The following WDR27 variants were observed in gnomAD, a reference collection of about 807,000 sequenced individuals.
The protein encoded by WDR27 is WD repeat-containing protein 27.
A neutral mutation model predicts 114.4 loss-of-function variants in WDR27; 100 were observed. That is an observed-to-expected ratio of 0.87 (90% confidence interval 0.74 to 1.03). The LOEUF is 1.03. WDR27 is among the 50% of genes least tolerant of loss of function. The pLI is 0.00. For missense variants in WDR27, 1,129 were observed against 1,092.9 expected, an observed-to-expected ratio of 1.03 and a Z score of -0.47; for synonymous variants, 449 against 423.1, an observed-to-expected ratio of 1.06 and a Z score of -0.75.
the WDR27 span, among the ~76,000 whole-genome samples, chr6:169,436,300 T>C: frequency 6.6e-6 from 1 of 152,192 alleles, no homozygotes; most frequent in South Asian, 2.1e-4. Context: ...TTCCTGAGTT[T>C]ATTGGTCAGA....
intron 25 of WDR27, among the ~76,000 whole-genome samples, chr6:169,505,140 G>A (rs1409915327): frequency 6.6e-6 from 1 of 152,104 alleles, no homozygotes; most frequent in South Asian, 2.1e-4. Context: ...TTTTCCTTTG[G>A]AGATGAATGT....
In WDR27 at chr6:169,658,313, C is replaced by G; in HGVS notation, c.1365G>C (p.Lys455Asn). 1 of 1,602,006 alleles carries G rather than the reference C, an allele frequency of 6.2e-7. No individual in the cohort carries two copies. The highest frequency in any genetic ancestry group is 2.2e-5 in the East Asian group (1 of 44,586). Residue 455 changes from lysine to asparagine, a missense_variant, in exon 13 of 26, where the codon AAG becomes AAC. By Grantham distance (94) the Lys-to-Asn change is moderately conservative (BLOSUM62 0). Transcript: ENST00000448612. Reference sequence around the variant, plus strand: ...CACTAGCAGCCTTGGTACTCTTCTCCTTGGCAATTCCCAGATACAGTGGAG... The same window carrying G: ...CACTAGCAGCCTTGGTACTCTTCTCGTTGGCAATTCCCAGATACAGTGGAG... ...PTSPLYLGIA[K>N]EKSTKAASEQ...
At chr6:169,591,217 G>T (rs192973518) in intron 23 of WDR27, among the ~76,000 whole-genome samples, 1 of 152,132 alleles carries the variant, frequency 6.6e-6, no homozygotes, top group Non-Finnish European at 1.5e-5. Context: ...GATGATTGGT[G>T]ATGTGAGCCC....
At chr6:169,499,944 CG>C (rs1471898791) in intron 25 of WDR27, among the ~76,000 whole-genome samples, 1 of 152,154 alleles carries the variant, frequency 6.6e-6, no homozygotes, top group African/African-American at 2.4e-5. Flanking sequence ...GAAGTCTGTC[CG>C]GGGGACCTGA....
intron 25 of WDR27, among the ~76,000 whole-genome samples, chr6:169,462,383 G>C (rs1241007403): frequency 6.6e-6 from 1 of 151,932 alleles, no homozygotes; most frequent in African/African-American, 2.4e-5. Flanking sequence ...GCTGCAGTAA[G>C]CTGAGATTGT....
chr6:169,552,758 T>C (rs1451100495), intron 25 of WDR27, among the ~76,000 whole-genome samples: 1 of 152,240 alleles, frequency 6.6e-6, no homozygotes, highest in African/African-American at 2.4e-5. Flanking sequence ...TATTACCATA[T>C]ATGTAAAAAT....
chr6:169,552,529 A>C (rs1562570627), intron 25 of WDR27, among the ~76,000 whole-genome samples: 1 of 152,198 alleles, frequency 6.6e-6, no homozygotes, highest in African/African-American at 2.4e-5. Flanking sequence ...TTAATTTAAT[A>C]ATATTTCACT....
At chr6:169,675,462 T>C (rs1417156125) in intron 2 of WDR27, among the ~76,000 whole-genome samples, 1 of 152,192 alleles carries the variant, frequency 6.6e-6, no homozygotes, top group African/African-American at 2.4e-5. Flanking sequence ...AGATTTATTC[T>C]GAACCAAATA....
At chr6:169,543,180 A>G (rs1375066889) in intron 25 of WDR27, among the ~76,000 whole-genome samples, 1 of 152,122 alleles carries the variant, frequency 6.6e-6, no homozygotes, top group Admixed American at 6.5e-5. Context: ...TATCTTTTCT[A>G]TAAGTTTCAA....
In WDR27 at chr6:169,497,196, G is replaced by GCTGGCAAAGCTGTGTAT. The variant is rs745399157; in HGVS notation, c.2646-39579_2646-39563dup. ...GGAAAAAGTCTTTTCAACAAATGGT[G>GCTGGCAAAGCTGTGTAT]CTGGCAAAGCTGTGTATTAATGTGC... On this transcript the variant is annotated intron_variant, in intron 25 of 25. Transcript: ENST00000448612. 1.5e-3 allele frequency among the ~76,000 whole-genome samples: 224 copies of GCTGGCAAAGCTGTGTAT among 152,202 alleles called. 1 individual carries two copies. Among genetic ancestry groups the GCTGGCAAAGCTGTGTAT allele is most frequent in the Non-Finnish European group, 2.9e-3 (200 of 67,956 alleles).
intron 25 of WDR27, among the ~76,000 whole-genome samples, chr6:169,477,448 CT>C (rs1268172567): frequency 6.6e-6 from 1 of 152,032 alleles, no homozygotes; most frequent in Admixed American, 6.6e-5. Flanking sequence ...TTTAATTTGT[CT>C]TTTCTTTGAG....
intron 23 of WDR27, among the ~76,000 whole-genome samples, chr6:169,590,946 T>C (rs757342764): frequency 9.2e-5 from 14 of 152,212 alleles, no homozygotes; most frequent in Non-Finnish European, 1.5e-4. Flanking sequence ...GCAATGGCCA[T>C]GGAAGCGCAG....
At chr6:169,432,983 C>A in the WDR27 span, among the ~76,000 whole-genome samples, 1 of 152,150 alleles carries the variant, frequency 6.6e-6, no homozygotes, top group African/African-American at 2.4e-5. Flanking sequence ...CTGATAATGA[C>A]ATGGATAATA....
chr6:169,645,404 GC>G (rs1257201423), intron 16 of WDR27, among the ~76,000 whole-genome samples: 1 of 150,862 alleles, frequency 6.6e-6, no homozygotes, highest in African/African-American at 2.4e-5. Flanking sequence ...CTGTAGAAAA[GC>G]CTAGTTCACA....
chr6:169,564,453 A>G (rs1800139267), intron 25 of WDR27, among the ~76,000 whole-genome samples: 2 of 152,220 alleles, frequency 1.3e-5, no homozygotes, highest in South Asian at 4.1e-4. Flanking sequence ...GGCACGTGGT[A>G]TTCACCATCA....
At chr6:169,645,008 C>CAAA (rs1194294838) in intron 16 of WDR27, among the ~76,000 whole-genome samples, 4 of 8,180 alleles carry the variant, frequency 4.9e-4, no homozygotes, top group Admixed American at 3.6e-3. Context: ...GACTCCGTCT[C>CAAA]AAAAAAAAAA....
chr6:169,586,306 G>C (rs1804543825), intron 23 of WDR27, among the ~76,000 whole-genome samples: 1 of 152,218 alleles, frequency 6.6e-6, no homozygotes, highest in African/African-American at 2.4e-5. Flanking sequence ...TTTCAGGGTT[G>C]ATGGCCCGCA....
rs75995894 is a variant in WDR27, at chr6:169,506,374, G to C, written c.2646-48740C>G. On this transcript the variant is annotated intron_variant, in intron 25 of 25. Coordinates refer to ENST00000448612, the MANE Select transcript of WDR27 (RefSeq NM_182552.5). The stretch of plus-strand genomic sequence containing the variant: ...AATCTGTTACATGCTGACAGAACTT[G>C]AGGTAAGTGATTAAAAAAATCAAGG... Among the ~76,000 whole-genome samples the C allele has an allele frequency of 1.7e-3, 266 of 152,258 alleles. 3 individuals carry two copies. Among genetic ancestry groups the C allele is most frequent in the African/African-American group, 5.9e-3 (247 of 41,548 alleles).
intron 7 of WDR27, 73 bp from the exon 8 acceptor site, chr6:169,664,359 T>C (rs995052095): frequency 6.2e-7 from 1 of 1,605,898 alleles, no homozygotes; most frequent in Admixed American, 1.7e-5. Context: ...ACACCAGAGG[T>C]GGAGCAGGGA....
Sources: allele counts gnomAD v4.1 joint callset (sites outside exome capture counted in the v4.1 genomes callset), GRCh38; gene constraint gnomAD v4.1.1; transcripts MANE v1.5; gene names NCBI Gene and HGNC (gene_info 2026-07-23, HGNC 2026-07-21).